ADAMTSL1: variants seen among roughly 807,000 people sequenced by gnomAD.
ADAMTSL1 encodes the protein ADAMTS like 1.
ADAMTSL1 carries 126 observed loss-of-function variants against 201.8 expected under a neutral mutation model. The ratio of observed to expected loss-of-function variants is 0.62; its 90% CI spans 0.54 to 0.72. The LOEUF (loss-of-function observed/expected upper bound fraction) is 0.72. Ranked by LOEUF, ADAMTSL1 falls within the 30% of genes least tolerant of loss-of-function variation. The pLI is 0.00. For missense variants in ADAMTSL1, 2,679 were observed against 2,277.8 expected (o/e 1.18, Z -3.59); for synonymous variants, 1,121 against 903.4 (o/e 1.24, Z -4.32).
chr9:17,981,295 G>C (rs1480367513), intron 1 of ADAMTSL1, among the ~76,000 whole-genome samples: 2 of 152,098 alleles, frequency 1.3e-5, no homozygotes, highest in African/African-American at 4.8e-5. Flanking sequence ...CCCAATCTAT[G>C]GTGTTCTGCT....
intron 21 of ADAMTSL1, among the ~76,000 whole-genome samples, chr9:18,825,796 G>A (rs12342159): frequency 0.031 from 4,636 of 151,842 alleles, 228 homozygotes; most frequent in African/African-American, 0.1. Context: ...CTTACGGAAA[G>A]GAAATTATAC....
At chr9:18,047,099 A>T (rs943379984) in intron 1 of ADAMTSL1, among the ~76,000 whole-genome samples, 1 of 152,160 alleles carries the variant, frequency 6.6e-6, no homozygotes, top group African/African-American at 2.4e-5. Context: ...AAATAAAAGG[A>T]CTAATTCAGG....
chr9:18,021,467 C>G (rs1016112995), intron 1 of ADAMTSL1, among the ~76,000 whole-genome samples: 6 of 152,092 alleles, frequency 3.9e-5, no homozygotes, highest in African/African-American at 1.2e-4. Flanking sequence ...AAAAATGCTG[C>G]TAACATTACT....
At chr9:18,020,920 A>G (rs577769006) in intron 1 of ADAMTSL1, among the ~76,000 whole-genome samples, 1 of 152,244 alleles carries the variant, frequency 6.6e-6, no homozygotes, top group East Asian at 1.9e-4. Context: ...AAAGATGTGG[A>G]TATCCTTGGT....
Position 18,582,863 on chromosome 9 carries a change from TAAATA to T in ADAMTSL1, c.474+8621_474+8625del, listed in dbSNP as rs1554709597. Among the ~76,000 whole-genome samples the T allele has an allele frequency of 5.5e-3, 815 of 147,818 alleles. 10 individuals carry two copies. The highest frequency in any genetic ancestry group is 0.019 in the African/African-American group (770 of 39,974). The stretch of plus-strand genomic sequence containing the variant: ...GACTCCATCTCAAAATAAAATAAAA[TAAATA>T]AAATAAAATAAAATAAAATAAAAAT... On this transcript the variant is annotated intron_variant, in intron 4 of 28. Coordinates refer to ENST00000380548, the MANE Select transcript of ADAMTSL1 (RefSeq NM_001040272.6).
intron 23 of ADAMTSL1, among the ~76,000 whole-genome samples, chr9:18,882,991 CAAAAA>C (rs34408343): frequency 4.4e-5 from 5 of 113,732 alleles, no homozygotes; most frequent in Admixed American, 9.2e-5. Context: ...GAGCCTGCCT[CAAAAA>C]AAAAAAAAAA....
At chr9:18,457,290 G>A (rs138187716) in intron 2 of ADAMTSL1, among the ~76,000 whole-genome samples, 195 of 152,102 alleles carry the variant, frequency 1.3e-3, no homozygotes, top group African/African-American at 4.5e-3. Context: ...ATAAAATCAC[G>A]GAAAAAATGT....
chr9:18,238,457 G>A (rs1459250168), intron 2 of ADAMTSL1, among the ~76,000 whole-genome samples: 3 of 152,058 alleles, frequency 2.0e-5, no homozygotes, highest in African/African-American at 4.8e-5. Flanking sequence ...GTGAGAGGTT[G>A]GGGGTCATAA....
intron 1 of ADAMTSL1, among the ~76,000 whole-genome samples, chr9:18,056,201 A>T (rs1822177200): frequency 6.6e-6 from 1 of 152,042 alleles, no homozygotes; most frequent in African/African-American, 2.4e-5. Context: ...TCAATATCCA[A>T]AAAAGCATTT....
intron 2 of ADAMTSL1, among the ~76,000 whole-genome samples, chr9:18,429,351 G>A (rs991723596): frequency 3.9e-5 from 6 of 151,958 alleles, no homozygotes; most frequent in Non-Finnish European, 8.8e-5. Context: ...TGGTTAAGGG[G>A]AAAAAAAGAG....
intron 19 of ADAMTSL1, among the ~76,000 whole-genome samples, chr9:18,792,678 C>T (rs988239776): frequency 7.2e-5 from 11 of 152,196 alleles, no homozygotes; most frequent in African/African-American, 2.7e-4. Flanking sequence ...ATTCCTGGGA[C>T]ATCCTAAAGC....
rs754566534 is a variant in ADAMTSL1, at chr9:18,588,884, C to CATAT, written c.474+14634_474+14637dup. On this transcript the variant is annotated intron_variant, in intron 4 of 28. Coordinates refer to ENST00000380548, the MANE Select transcript of ADAMTSL1 (RefSeq NM_001040272.6). ...GCTTTGTGCCATATATATACATATA[C>CATAT]ATATATATATATATATATACATATA... is the stretch of plus-strand genomic sequence containing the variant. Among the ~76,000 whole-genome samples the CATAT allele has an allele frequency of 5.5e-3, 680 of 122,824 alleles. 22 individuals carry two copies. The highest frequency in any genetic ancestry group is 0.018 in the African/African-American group (622 of 33,786). 80.6% of individuals were successfully genotyped at this position (122,824 alleles called of 152,430 possible). A position where few individuals can be genotyped will look rare whatever the true frequency, so the allele number is the denominator to read the frequency against.
intron 2 of ADAMTSL1, among the ~76,000 whole-genome samples, chr9:18,350,752 G>C (rs1329656880): frequency 6.6e-6 from 1 of 152,146 alleles, no homozygotes; most frequent in Non-Finnish European, 1.5e-5. Flanking sequence ...TGGCCAGACA[G>C]AGACCTCATG....
intron 2 of ADAMTSL1, among the ~76,000 whole-genome samples, chr9:18,376,392 C>T (rs1259454928): frequency 6.6e-6 from 1 of 152,016 alleles, no homozygotes; most frequent in Non-Finnish European, 1.5e-5. Flanking sequence ...GAGAGAGAAC[C>T]TGAAAGCAGT....
intron 23 of ADAMTSL1, among the ~76,000 whole-genome samples, chr9:18,887,147 C>G (rs909295848): frequency 6.6e-6 from 1 of 152,220 alleles, no homozygotes; most frequent in African/African-American, 2.4e-5. Flanking sequence ...AGGAATTTCT[C>G]TCACAACTGC....
At chr9:17,930,101 C>G (rs758980982) in intron 1 of ADAMTSL1, among the ~76,000 whole-genome samples, 2 of 152,126 alleles carry the variant, frequency 1.3e-5, no homozygotes, top group East Asian at 3.9e-4. Flanking sequence ...GAAATATTAG[C>G]TACTATAGTA....
At chr9:18,601,773 T>C (rs1824674428) in intron 4 of ADAMTSL1, among the ~76,000 whole-genome samples, 1 of 151,568 alleles carries the variant, frequency 6.6e-6, no homozygotes, top group Non-Finnish European at 1.5e-5. Context: ...ACATTATACA[T>C]TATAATATAC....
At chr9:18,007,697 A>C (rs1374397571) in intron 1 of ADAMTSL1, among the ~76,000 whole-genome samples, 1 of 151,980 alleles carries the variant, frequency 6.6e-6, no homozygotes, top group Non-Finnish European at 1.5e-5. Context: ...ACATTCACAG[A>C]AGTGAAGGGG....
At chr9:18,568,162 G>A (rs777356179) in intron 3 of ADAMTSL1, among the ~76,000 whole-genome samples, 3 of 152,160 alleles carry the variant, frequency 2.0e-5, no homozygotes, top group African/African-American at 4.8e-5. Context: ...AATTTCAAGC[G>A]AGGAGGTCTG....
Sources: gnomAD v4.1 joint callset for allele counts (sites outside exome capture counted in the v4.1 genomes callset) on GRCh38, gnomAD v4.1.1 for gene constraint, MANE v1.5 for transcripts, NCBI Gene and HGNC (gene_info 2026-07-23, HGNC 2026-07-21) for gene names.